Variants in PCBP3 observed in about 807,000 individuals in gnomAD.
PCBP3 encodes the protein poly(rC) binding protein 3.
In PCBP3, 25 loss-of-function variants were observed where a neutral mutation model predicts 52.7. That is an observed-to-expected ratio of 0.47 (90% confidence interval 0.35 to 0.66). The LOEUF is 0.66. Among genes scored for constraint, PCBP3 ranks in the 30% least tolerant of loss-of-function variants. PCBP3 has a pLI of 0.01. For synonymous variants in PCBP3, 162 were observed against 183.0 expected (o/e 0.89, Z 0.93); for missense variants, 391 against 490.3 (o/e 0.80, Z 1.91).
chr21:45,651,071 A>G (rs956851586), intron 1 of PCBP3, among the ~76,000 whole-genome samples: 3 of 152,174 alleles, frequency 2.0e-5, no homozygotes, highest in African/African-American at 7.2e-5. Flanking sequence ...AAACACTTTG[A>G]ATGCAGCTTT....
chr21:45,932,593 C>T (rs1377167379), intron 15 of PCBP3, among the ~76,000 whole-genome samples: 1 of 151,980 alleles, frequency 6.6e-6, no homozygotes, highest in African/African-American at 2.4e-5. Flanking sequence ...ACACCTGGGC[C>T]ATGCTGTCCC....
rs577973355 is a variant in PCBP3 at position 45,660,148 on chromosome 21, CATATAT to C, written c.-278-8721_-278-8716del. 3.3e-4 allele frequency among the ~76,000 whole-genome samples: 50 copies of C among 151,684 alleles called. No homozygotes were observed. The East Asian group carries it at 9.7e-3, about 29-fold the overall frequency. ...TTTATTTTATATGTATACACACACA[CATATAT>C]ATATGTATATATATGTATATAATTG... On this transcript the variant is annotated intron_variant, in intron 1 of 17. Transcript: ENST00000681687.
At chr21:45,872,667 G>A (rs1029036887) in intron 5 of PCBP3, 1 of 152,264 alleles carries the variant, frequency 6.6e-6, no homozygotes, top group Non-Finnish European at 1.5e-5. Flanking sequence ...CAGTGCCCCT[G>A]CCACTGTGTG....
At chr21:45,892,081 C>T (rs534148906) in intron 5 of PCBP3, among the ~76,000 whole-genome samples, 62 of 152,266 alleles carry the variant, frequency 4.1e-4, no homozygotes, top group African/African-American at 1.3e-3. Flanking sequence ...AAATGGAGTC[C>T]ACCCTCGGGA....
At chr21:45,914,667 G>T (rs1299157213) in intron 12 of PCBP3, 1 of 152,658 alleles carries the variant, frequency 6.6e-6, no homozygotes, top group African/African-American at 2.4e-5. Flanking sequence ...GGAGAGTGGA[G>T]GAGGGGAGCC....
At position 45,711,773 on chromosome 21, in the gene PCBP3, C is replaced by T. The variant is rs1603302569; in HGVS notation, c.-199-23619C>T. Among the ~76,000 whole-genome samples, 4 of 152,116 alleles carry T rather than the reference C, an allele frequency of 2.6e-5. No individual in the cohort carries two copies. In the South Asian group the frequency reaches 8.3e-4, roughly 32 times the overall value. ...GCATCCTGTCTTGAGATTGGACATC[C>T]TAAATGACGTTTTAAAATAAAGTAC... On this transcript the variant is annotated intron_variant, in intron 2 of 17. Coordinates refer to ENST00000681687, the MANE Select transcript of PCBP3 (RefSeq NM_001384156.1).
intron 9 of PCBP3, among the ~76,000 whole-genome samples, chr21:45,907,054 C>T (rs553595400): frequency 2.6e-5 from 4 of 152,360 alleles, no homozygotes; most frequent in East Asian, 3.9e-4. Flanking sequence ...GAAGGCCAGG[C>T]GGAGGCCGGC....
intron 4 of PCBP3, among the ~76,000 whole-genome samples, chr21:45,787,492 A>G (rs1264683614): frequency 2.0e-5 from 3 of 152,048 alleles, no homozygotes; most frequent in Admixed American, 1.3e-4. Context: ...CCGTAGCTCA[A>G]GTGATCCTTC....
At chr21:45,892,564 C>T (rs1389660303) in intron 5 of PCBP3, among the ~76,000 whole-genome samples, 1 of 148,160 alleles carries the variant, frequency 6.7e-6, no homozygotes, top group Non-Finnish European at 1.5e-5. Flanking sequence ...CATGTTCACA[C>T]CTGGGAGGAG....
intron 15 of PCBP3, among the ~76,000 whole-genome samples, chr21:45,931,492 C>T (rs747052591): frequency 1.4e-4 from 21 of 152,340 alleles, no homozygotes; most frequent in Admixed American, 4.6e-4. Context: ...GGGTGGGCAG[C>T]GATGGGAGGT....
intron 2 of PCBP3, among the ~76,000 whole-genome samples, chr21:45,684,682 G>A (rs1199887324): frequency 6.6e-6 from 1 of 152,150 alleles, no homozygotes; most frequent in Non-Finnish European, 1.5e-5. Context: ...CCTCAGCAGA[G>A]GCCAAGCAGA....
At chr21:45,668,322 CAGGT>C (rs2080941184) in intron 1 of PCBP3, among the ~76,000 whole-genome samples, 1 of 152,164 alleles carries the variant, frequency 6.6e-6, no homozygotes, top group Non-Finnish European at 1.5e-5. Context: ...TCCACTGTCT[CAGGT>C]AGTCACAAAA....
chr21:45,767,253 A>C (rs1569200018), intron 4 of PCBP3, among the ~76,000 whole-genome samples: 1 of 152,094 alleles, frequency 6.6e-6, no homozygotes, highest in East Asian at 1.9e-4. Flanking sequence ...CACTAGTCTA[A>C]TTTCTGTCTA....
chr21:45,918,112 A>G (rs1208226998), intron 13 of PCBP3: 1 of 236,578 alleles, frequency 4.2e-6, no homozygotes, highest in Non-Finnish European at 8.3e-6. Context: ...ATCTACACAC[A>G]CAGATCCAGG....
chr21:45,769,271 G>C (rs1187115405), intron 4 of PCBP3, among the ~76,000 whole-genome samples: 1 of 152,236 alleles, frequency 6.6e-6, no homozygotes, highest in African/African-American at 2.4e-5. Context: ...TATTTGAATT[G>C]AGTGTACACA....
At chr21:45,662,568 C>T (rs540920929) in intron 1 of PCBP3, among the ~76,000 whole-genome samples, 114 of 151,924 alleles carry the variant, frequency 7.5e-4, no homozygotes, top group Non-Finnish European at 1.2e-3. Context: ...TATAAAATAA[C>T]AAGAGTTATA....
rs114591101 is a variant in PCBP3 at position 45,906,559 on chromosome 21, G to T, written c.340-2796G>T. On this transcript the variant is annotated intron_variant, in intron 9 of 17. Coordinates refer to ENST00000681687, the MANE Select transcript of PCBP3 (RefSeq NM_001384156.1). ...GGGTCATGTTTTGGTGGAACCTCTC[G>T]GAGCCTTTAGAGGCTCTGCCCCGGT... Among the ~76,000 whole-genome samples, 330 of 152,190 alleles carry T rather than the reference G, an allele frequency of 2.2e-3. 2 individuals are homozygous for T. Among genetic ancestry groups the T allele is most frequent in the African/African-American group, 7.5e-3 (310 of 41,504 alleles).
chr21:45,880,051 A>T lies in PCBP3; in HGVS notation c.11-16157A>T, dbSNP rs1223062715. Among the ~76,000 whole-genome samples the T allele has an allele frequency of 6.6e-6, 1 of 152,208 alleles. No individual in the cohort carries two copies. The highest frequency in any genetic ancestry group is 1.5e-5 in the Non-Finnish European group (1 of 68,048). ...TTTCAAGAGCTTGCAAAACGGTGGC[A>T]GTTCTCTGCTGTCTGCGTTTGTTGT... On this transcript the variant is annotated intron_variant, in intron 5 of 17. Transcript: ENST00000681687. This position sits in a 1 kb window ranked among gnomAD's most constrained non-coding sequence, Gnocchi z 5.4.
chr21:45,922,892 C>G (rs944016283), intron 13 of PCBP3, among the ~76,000 whole-genome samples: 2 of 152,230 alleles, frequency 1.3e-5, no homozygotes, highest in Non-Finnish European at 2.9e-5. Flanking sequence ...AGATGTGCAG[C>G]AACGCTGGGA....
Sources: allele counts gnomAD v4.1 joint callset (sites outside exome capture counted in the v4.1 genomes callset), GRCh38; gene constraint gnomAD v4.1.1; non-coding constraint Gnocchi (gnomAD v3.1); transcripts MANE v1.5; gene names NCBI Gene and HGNC (gene_info 2026-07-23, HGNC 2026-07-21).